LINGO2: variants seen among roughly 807,000 people sequenced by gnomAD.
The protein encoded by LINGO2 is leucine rich repeat and Ig domain containing 2, also known as leucine-rich repeat and immunoglobulin-like domain-containing nogo receptor-interacting protein 2.
A neutral mutation model predicts 30.6 loss-of-function variants in LINGO2; 14 were observed. That is an observed-to-expected ratio of 0.46 (90% CI 0.30 to 0.72). The LOEUF (loss-of-function observed/expected upper bound fraction) is 0.72, where lower values mean the gene tolerates loss of function less well. LINGO2 is among the 30% of genes least tolerant of loss of function. LINGO2 has a pLI of 0.07. For missense variants in LINGO2, 729 were observed against 751.7 expected (o/e 0.97, Z 0.35); for synonymous variants, 317 against 288.5 (o/e 1.10, Z -1.00).
intron 1 of LINGO2, among the ~76,000 whole-genome samples, chr9:28,520,844 C>T (rs1820801532): frequency 6.6e-6 from 1 of 152,144 alleles, no homozygotes; most frequent in South Asian, 2.1e-4. Flanking sequence ...ATTAAATCTC[C>T]TTTACATATG....
chr9:28,847,165 C>T, the LINGO2 span, among the ~76,000 whole-genome samples: 9 of 148,402 alleles, frequency 6.1e-5, 1 homozygote, highest in African/African-American at 2.3e-4. Flanking sequence ...TTACTACAGA[C>T]TTGCCCATTA....
At chr9:28,902,311 T>G in the LINGO2 span, among the ~76,000 whole-genome samples, 1 of 152,186 alleles carries the variant, frequency 6.6e-6, no homozygotes, top group Non-Finnish European at 1.5e-5. Context: ...AAGGTCCTTA[T>G]TAGTGATCAA....
chr9:28,431,827 G>A (rs1359566081), intron 2 of LINGO2, among the ~76,000 whole-genome samples: 1 of 152,118 alleles, frequency 6.6e-6, no homozygotes, highest in Non-Finnish European at 1.5e-5. Context: ...AATTTAGGCT[G>A]ATTTCTCCTC....
chr9:28,558,352 T>C (rs1382890946), intron 1 of LINGO2, among the ~76,000 whole-genome samples: 1 of 151,964 alleles, frequency 6.6e-6, no homozygotes, highest in Non-Finnish European at 1.5e-5. Context: ...GGTTCTGCTG[T>C]AGATCTCAAT....
chr9:29,085,670 C>T, the LINGO2 span, among the ~76,000 whole-genome samples: 1 of 152,134 alleles, frequency 6.6e-6, no homozygotes, highest in African/African-American at 2.4e-5. Flanking sequence ...CTAAATACTA[C>T]TCTAACACTA....
intron 1 of LINGO2, among the ~76,000 whole-genome samples, chr9:28,546,550 T>C (rs1243804678): frequency 2.0e-5 from 3 of 152,096 alleles, no homozygotes; most frequent in African/African-American, 7.2e-5. Flanking sequence ...TCTTATGATC[T>C]ATTATTAGAC....
chr9:28,121,617 G>C (rs1827098517), intron 4 of LINGO2, among the ~76,000 whole-genome samples: 1 of 152,076 alleles, frequency 6.6e-6, no homozygotes. Flanking sequence ...TCTTGGCAGA[G>C]AGCCATAAAA....
At chr9:28,983,258 T>C in the LINGO2 span, among the ~76,000 whole-genome samples, 1 of 149,552 alleles carries the variant, frequency 6.7e-6, no homozygotes, top group Non-Finnish European at 1.5e-5. Flanking sequence ...AAGTCTAAAA[T>C]ACATACTACC....
At chr9:28,665,842 T>C (rs1365507026) in intron 1 of LINGO2, among the ~76,000 whole-genome samples, 5 of 151,970 alleles carry the variant, frequency 3.3e-5, no homozygotes, top group African/African-American at 1.2e-4. Flanking sequence ...GTAGAAGTTA[T>C]GATGTATATA....
At chr9:28,349,012 C>A (rs1289116061) in intron 3 of LINGO2, among the ~76,000 whole-genome samples, 3 of 150,092 alleles carry the variant, frequency 2.0e-5, no homozygotes, top group Non-Finnish European at 4.5e-5. Flanking sequence ...TCACCATCAT[C>A]AAAGACCAAA....
At position 28,515,750 on chromosome 9, in the gene LINGO2, T is replaced by G. The variant is rs75200361; in HGVS notation, c.-364-39725A>C. Among the ~76,000 whole-genome samples, 497 of 152,262 alleles carry G rather than the reference T, an allele frequency of 3.3e-3. 3 individuals are homozygous for G. The highest frequency in any genetic ancestry group is 0.012 in the African/African-American group (483 of 41,546). On this transcript the variant is annotated intron_variant, in intron 1 of 5. Coordinates refer to ENST00000379992, the Ensembl canonical transcript of LINGO2. ...ATTGTTGAAATGACAACAAAGGATT[T>G]TAGAACATTAAATAAACTTTGTTGA...
At chr9:29,103,220 C>G in the LINGO2 span, among the ~76,000 whole-genome samples, 324 of 152,116 alleles carry the variant, frequency 2.1e-3, no homozygotes, top group African/African-American at 7.5e-3. Flanking sequence ...ACAGAATTAG[C>G]TTATAACTAA....
chr9:28,938,221 G>C, the LINGO2 span, among the ~76,000 whole-genome samples: 2 of 152,062 alleles, frequency 1.3e-5, no homozygotes, highest in Non-Finnish European at 2.9e-5. Flanking sequence ...TATTATTCCT[G>C]ACCTCTGCAA....
chr9:28,479,923 A>G (rs1357921839), intron 1 of LINGO2, among the ~76,000 whole-genome samples: 17 of 92,786 alleles, frequency 1.8e-4, no homozygotes, highest in South Asian at 8.3e-4. Context: ...ATATATATAT[A>G]TATATATATA....
chr9:28,320,501 T>C (rs577805702), intron 3 of LINGO2, among the ~76,000 whole-genome samples: 52 of 152,298 alleles, frequency 3.4e-4, no homozygotes, highest in African/African-American at 1.1e-3. Context: ...TCTTAGGCTC[T>C]GGAGAAATAG....
the LINGO2 span, among the ~76,000 whole-genome samples, chr9:28,713,182 G>A: frequency 4.6e-5 from 7 of 151,754 alleles, no homozygotes; most frequent in South Asian, 2.1e-4. Flanking sequence ...TAATCTTACC[G>A]CTTCAATACT....
At chr9:29,177,643 C>A in the LINGO2 span, among the ~76,000 whole-genome samples, 2 of 152,146 alleles carry the variant, frequency 1.3e-5, no homozygotes, top group African/African-American at 4.8e-5. Flanking sequence ...TATGTTTTTA[C>A]TTCTTAGTTT....
chr9:28,879,397 A>G, the LINGO2 span, among the ~76,000 whole-genome samples: 1 of 152,256 alleles, frequency 6.6e-6, no homozygotes, highest in East Asian at 1.9e-4. Context: ...TCTCCACCAC[A>G]TCATATTATC....
At chr9:28,327,338 A>G (rs1825266573) in intron 3 of LINGO2, among the ~76,000 whole-genome samples, 1 of 152,212 alleles carries the variant, frequency 6.6e-6, no homozygotes, top group Non-Finnish European at 1.5e-5. Flanking sequence ...ATGAGTATTA[A>G]GTCGGCAGGA....
Sources: gnomAD v4.1 joint callset for allele counts (sites outside exome capture counted in the v4.1 genomes callset) on GRCh38, gnomAD v4.1.1 for gene constraint, MANE v1.5 for transcripts, NCBI Gene and HGNC (gene_info 2026-07-23, HGNC 2026-07-21) for gene names.